The following EXOC6 variants were observed in gnomAD, a reference collection of about 807,000 sequenced individuals.
EXOC6 encodes exocyst complex component 6, also known as SEC15-like 1.
EXOC6 carries 60 observed loss-of-function variants against 112.5 expected under a neutral mutation model. The ratio of observed to expected loss-of-function variants is 0.53; its 90% CI spans 0.43 to 0.66. The LOEUF (loss-of-function observed/expected upper bound fraction) is 0.66, where lower values mean the gene tolerates loss of function less well. Ranked by LOEUF, EXOC6 falls within the 30% of genes least tolerant of loss-of-function variation. The pLI is 0.00. For synonymous variants in EXOC6, 295 were observed against 308.0 expected, an observed-to-expected ratio of 0.96 and a Z score of 0.44; for missense variants, 855 against 957.1, an observed-to-expected ratio of 0.89 and a Z score of 1.41.
At chr10:92,865,918 A>G (rs1393287412) in intron 1 of EXOC6, among the ~76,000 whole-genome samples, 1 of 152,158 alleles carries the variant, frequency 6.6e-6, no homozygotes, top group Non-Finnish European at 1.5e-5. Context: ...ATTAATATCC[A>G]CTAAGTGGAA....
At chr10:93,051,126 T>G (rs1846273434) in intron 20 of EXOC6, among the ~76,000 whole-genome samples, 1 of 149,020 alleles carries the variant, frequency 6.7e-6, no homozygotes, top group African/African-American at 2.5e-5. Context: ...AATCCAATTA[T>G]GTAAATTTTA....
rs17852550 is a variant in EXOC6 at position 93,058,266 on chromosome 10, A to G, written c.2326A>G (p.Arg776Gly). ...AAAGAACAATATATTTGCTCAGTTC[A>G]GGAAGAATGATCGAGACAAACAGAA... ...SKKNNIFAQF[R>G]KNDRDKQKLI... The change falls in exon 22 of 22, where the codon AGG (arginine) becomes GGG (glycine). Residue 776 changes from arginine to glycine, a missense_variant. This residue lies in a region of EXOC6 where 450 missense variants were observed against 563.5 expected (regional missense o/e 0.80). Transcript: ENST00000260762. 4 of 1,611,156 alleles carry G rather than the reference A, an allele frequency of 2.5e-6. No individual in the cohort carries two copies. Among genetic ancestry groups the G allele is most frequent in the Non-Finnish European group, 3.4e-6 (4 of 1,179,368 alleles).
intron 13 of EXOC6, among the ~76,000 whole-genome samples, chr10:92,944,773 A>ATTT (rs35127540): frequency 7.3e-6 from 1 of 137,288 alleles, no homozygotes; most frequent in Non-Finnish European, 1.6e-5. Context: ...ACCTCGTTGT[A>ATTT]TTTTTTTTTT....
intron 18 of EXOC6, among the ~76,000 whole-genome samples, chr10:92,979,027 G>C (rs1842732248): frequency 6.6e-6 from 1 of 152,168 alleles, no homozygotes; most frequent in Non-Finnish European, 1.5e-5. Flanking sequence ...GAGATTTTCT[G>C]GGATAGAGGT....
chr10:92,848,254 G>A (rs1847128540), upstream of EXOC6, among the ~76,000 whole-genome samples: 1 of 152,132 alleles, frequency 6.6e-6, no homozygotes, highest in African/African-American at 2.4e-5. Context: ...CCAAAGGCCA[G>A]GCACAAGACG....
At chr10:92,898,450 G>T (rs34773007) in intron 4 of EXOC6, among the ~76,000 whole-genome samples, 3,311 of 150,236 alleles carry the variant, frequency 0.022, 58 homozygotes, top group African/African-American at 0.041. Flanking sequence ...AAAAAATCAC[G>T]GCATAAACAA....
At chr10:93,016,047 T>G (rs940458723) in intron 20 of EXOC6, among the ~76,000 whole-genome samples, 2 of 152,076 alleles carry the variant, frequency 1.3e-5, no homozygotes, top group African/African-American at 4.8e-5. Context: ...TATCAAAGAA[T>G]AAAAAAAATT....
chr10:93,057,246 A>T (rs1220730918), intron 21 of EXOC6, among the ~76,000 whole-genome samples: 1 of 152,170 alleles, frequency 6.6e-6, no homozygotes, highest in African/African-American at 2.4e-5. Context: ...ATTGATGTGA[A>T]CAAAACATCT....
At chr10:92,904,823 C>G (rs1445001359) in intron 5 of EXOC6, among the ~76,000 whole-genome samples, 1 of 151,382 alleles carries the variant, frequency 6.6e-6, no homozygotes, top group African/African-American at 2.4e-5. Context: ...ACCTTTTTTT[C>G]TTTCCCTCAT....
chr10:92,904,458 A>G lies in EXOC6; in HGVS notation c.458+4814A>G, dbSNP rs1053980332. Among the ~76,000 whole-genome samples, 6 of 152,006 alleles carry G rather than the reference A, an allele frequency of 3.9e-5. No homozygotes were observed. In the East Asian group the frequency reaches 1.2e-3, roughly 29 times the overall value. On this transcript the variant is annotated intron_variant, in intron 5 of 21. Transcript: ENST00000260762. ...ACTGTTGCTCCACATCCTCCACAGGATTTAGTGTTGTCATTTTTTCGGATT... is the reference window on the plus strand; with the variant it reads ...ACTGTTGCTCCACATCCTCCACAGGGTTTAGTGTTGTCATTTTTTCGGATT...
chr10:92,911,766 A>G (rs1293352472), intron 6 of EXOC6, among the ~76,000 whole-genome samples: 17 of 152,152 alleles, frequency 1.1e-4, no homozygotes, highest in Admixed American at 1.1e-3. Flanking sequence ...CTTCTTTTGG[A>G]AATAACTTCC....
intron 1 of EXOC6, among the ~76,000 whole-genome samples, chr10:92,886,971 A>G (rs992930498): frequency 3.3e-5 from 5 of 152,140 alleles, no homozygotes; most frequent in African/African-American, 4.8e-5. Flanking sequence ...TATTTTTATC[A>G]TTACCATCAT....
intron 20 of EXOC6, among the ~76,000 whole-genome samples, chr10:93,031,510 C>CTTTTTTTTTTTTTTTT (rs778524287): frequency 1.5e-4 from 19 of 130,452 alleles, no homozygotes; most frequent in East Asian, 2.3e-4. Flanking sequence ...TTCTTTCTTT[C>CTTTTTTTTTTTTTTTT]TTTTTTTTTT....
intron 13 of EXOC6, 86 bp from the exon 14 acceptor site, chr10:92,948,188 T>C: frequency 5.2e-6 from 4 of 775,882 alleles, no homozygotes; most frequent in Non-Finnish European, 6.2e-6. Context: ...GCTTTTGTAA[T>C]AGTTGGGGTT....
At chr10:93,046,406 G>A (rs1222190257) in intron 20 of EXOC6, among the ~76,000 whole-genome samples, 1 of 152,182 alleles carries the variant, frequency 6.6e-6, no homozygotes, top group Non-Finnish European at 1.5e-5. Flanking sequence ...CAGATATGTG[G>A]AGGGTAGTAT....
chr10:92,851,373 C>T (rs1032794127), intron 1 of EXOC6, among the ~76,000 whole-genome samples: 1 of 152,116 alleles, frequency 6.6e-6, no homozygotes, highest in Admixed American at 6.5e-5. Context: ...GGGCCAGGCG[C>T]GGTGGCTCAC....
chr10:92,899,205 C>G (rs1327619927), intron 4 of EXOC6, among the ~76,000 whole-genome samples: 1 of 152,142 alleles, frequency 6.6e-6, no homozygotes, highest in East Asian at 1.9e-4. Flanking sequence ...ATCAGTGAAT[C>G]TCACACTCAA....
intron 20 of EXOC6, among the ~76,000 whole-genome samples, chr10:93,041,386 GT>G (rs1256154892): frequency 3.9e-5 from 6 of 152,018 alleles, no homozygotes; most frequent in African/African-American, 1.4e-4. Context: ...TCCCTTGTTT[GT>G]TTGTTTATTT....
At chr10:92,864,219 A>G (rs1177485870) in intron 1 of EXOC6, among the ~76,000 whole-genome samples, 1 of 152,238 alleles carries the variant, frequency 6.6e-6, no homozygotes, top group Non-Finnish European at 1.5e-5. Context: ...TTCGTATTGT[A>G]GGCAGAGGCA....
Sources: gnomAD v4.1 joint callset for allele counts (sites outside exome capture counted in the v4.1 genomes callset) on GRCh38, gnomAD v4.1.1 for gene constraint, gnomAD v4.1.1 regional missense constraint, MANE v1.5 for transcripts, NCBI Gene and HGNC (gene_info 2026-07-23, HGNC 2026-07-21) for gene names.